The following ZNF565 variants were observed in gnomAD, a reference collection of about 807,000 sequenced individuals.
ZNF565 encodes the protein zinc finger protein 565.
In ZNF565, 27 loss-of-function variants were observed where a neutral mutation model predicts 39.4. The observed-to-expected ratio is 0.69, with a 90% confidence interval of 0.51 to 0.95. The LOEUF is 0.95. ZNF565 is among the 40% of genes least tolerant of loss of function. The probability of loss-of-function intolerance (pLI) is 0.00; values close to 1 mark genes in which losing one functional copy is unlikely to be tolerated. For synonymous variants in ZNF565, 185 were observed against 216.6 expected, an observed-to-expected ratio of 0.85 and a Z score of 1.28; for missense variants, 524 against 621.1, an observed-to-expected ratio of 0.84 and a Z score of 1.66.
Position 36,202,635 on chromosome 19 carries a change from C to T in ZNF565, c.-65-585G>A, listed in dbSNP as rs115627461. On this transcript the variant is annotated intron_variant, in intron 1 of 4. Transcript: ENST00000304116. ...GCTCCAAATTACAGCAAGGATCTTA[C>T]GACTCAGACTCACTCACTTGACCCC... is the stretch of plus-strand genomic sequence containing the variant. 2.7e-3 allele frequency among the ~76,000 whole-genome samples: 406 copies of T among 152,252 alleles called. 3 individuals carry two copies. The highest frequency in any genetic ancestry group is 8.9e-3 in the African/African-American group (370 of 41,536).
chr19:36,232,700 C>G (rs983960508), intron 1 of ZNF565, among the ~76,000 whole-genome samples: 1 of 151,760 alleles, frequency 6.6e-6, no homozygotes, highest in African/African-American at 2.4e-5. Context: ...CCTCCACCTC[C>G]CGGTTTCAAG....
rs1043597271 is a variant in ZNF565, at chr19:36,194,298, G to A, written c.167C>T (p.Ser56Phe). The A allele has an allele frequency of 6.8e-6, 11 of 1,612,582 alleles. No individual in the cohort carries two copies. Among genetic ancestry groups the A allele is most frequent in the Non-Finnish European group, 8.5e-6 (10 of 1,179,388 alleles). ...GGGCTCTTTCCCTTGCTCCAATAAG[G>A]AGACGACATCAGGCTTAGAAATGGA... ...GLSISKPDVVSLLEQGKEPWM... is the reference protein window; with the variant it reads ...GLSISKPDVVFLLEQGKEPWM... Residue 56 changes from serine (S) to phenylalanine (F), a missense_variant, in exon 4 of 5, where the codon TCC becomes TTC. Physicochemically the swap from Ser to Phe is radical, Grantham distance 155 (BLOSUM62 -2). Transcript: ENST00000304116.
At chr19:36,202,176 C>G in intron 1 of ZNF565, 126 bp from the exon 2 acceptor site, 1 of 631,314 alleles carries the variant, frequency 1.6e-6, no homozygotes, top group African/African-American at 1.8e-5. Context: ...TCCCACCTCT[C>G]CATGTCCTAC....
chr19:36,211,989 G>A (rs1399590269), intron 1 of ZNF565, among the ~76,000 whole-genome samples: 1 of 152,110 alleles, frequency 6.6e-6, no homozygotes, highest in Non-Finnish European at 1.5e-5. Flanking sequence ...CACAAGACAT[G>A]TATCAATTAT....
chr19:36,221,926 T>A (rs903533400), intron 1 of ZNF565, among the ~76,000 whole-genome samples: 1 of 123,218 alleles, frequency 8.1e-6, no homozygotes, highest in African/African-American at 2.9e-5. Context: ...CTTTTTTCTT[T>A]CTTTTTTTTT....
chr19:36,187,730 C>G (rs980585252), intron 4 of ZNF565, among the ~76,000 whole-genome samples: 2 of 151,536 alleles, frequency 1.3e-5, no homozygotes, highest in African/African-American at 4.9e-5. Flanking sequence ...CTCTGGCTCC[C>G]AGGTTCAAGT....
At chr19:36,207,433 G>A (rs1381657935) in intron 1 of ZNF565, among the ~76,000 whole-genome samples, 2 of 151,970 alleles carry the variant, frequency 1.3e-5, no homozygotes, top group Non-Finnish European at 2.9e-5. Context: ...CTATTTACTC[G>A]GGAGGCTGAG....
intron 1 of ZNF565, among the ~76,000 whole-genome samples, chr19:36,231,853 C>T (rs1321191350): frequency 6.6e-6 from 1 of 151,794 alleles, no homozygotes. Flanking sequence ...ATCTCTTGAG[C>T]CTAGGAGTTC....
chr19:36,202,728 A>T (rs1055776489), intron 1 of ZNF565, among the ~76,000 whole-genome samples: 1 of 152,158 alleles, frequency 6.6e-6, no homozygotes, highest in Non-Finnish European at 1.5e-5. Context: ...CTTGAGTAAA[A>T]GACATCCCTA....
At chr19:36,230,519 A>G (rs1434154863) in intron 1 of ZNF565, among the ~76,000 whole-genome samples, 1 of 152,170 alleles carries the variant, frequency 6.6e-6, no homozygotes, top group Non-Finnish European at 1.5e-5. Context: ...TGGTGGGGAA[A>G]GGTCTCACTG....
At chr19:36,214,222 C>A (rs1326917983) in intron 1 of ZNF565, among the ~76,000 whole-genome samples, 2 of 152,032 alleles carry the variant, frequency 1.3e-5, no homozygotes, top group Non-Finnish European at 2.9e-5. Context: ...CAGGCACAGG[C>A]AATTGCACAC....
chr19:36,194,515 C>A, intron 3 of ZNF565, 187 bp from the exon 4 acceptor site: 1 of 514,686 alleles, frequency 1.9e-6, no homozygotes. Context: ...TTTTCAGTCA[C>A]CAGAAATTCA....
intron 1 of ZNF565, among the ~76,000 whole-genome samples, chr19:36,231,362 A>G (rs541654494): frequency 1.4e-4 from 22 of 152,086 alleles, no homozygotes; most frequent in African/African-American, 5.3e-4. Context: ...GGTGCCCACC[A>G]CCACACCCGG....
downstream of ZNF565, chr19:36,182,205 A>T (rs1975111073): frequency 2.7e-6 from 1 of 364,966 alleles, no homozygotes; most frequent in Admixed American, 4.2e-5. Context: ...GAAATTTAAC[A>T]TATTTTGAAT....
intron 1 of ZNF565, among the ~76,000 whole-genome samples, chr19:36,239,006 G>C (rs1161115236): frequency 6.6e-6 from 1 of 152,162 alleles, no homozygotes; most frequent in East Asian, 1.9e-4. Context: ...CTGATGATCT[G>C]AGGTGGAACA....
intron 4 of ZNF565, among the ~76,000 whole-genome samples, chr19:36,186,624 C>A (rs11084851): frequency 0.088 from 13,332 of 151,804 alleles, 787 homozygotes; most frequent in South Asian, 0.16. Context: ...CCCATCTCTA[C>A]CAAAAACACA....
intron 1 of ZNF565, among the ~76,000 whole-genome samples, chr19:36,222,532 A>G (rs762258591): frequency 6.6e-6 from 1 of 152,182 alleles, no homozygotes; most frequent in Non-Finnish European, 1.5e-5. Context: ...TAAACTCACC[A>G]TGAGTGTAGT....
At chr19:36,202,428 G>A (rs1266001375) in intron 1 of ZNF565, among the ~76,000 whole-genome samples, 1 of 151,430 alleles carries the variant, frequency 6.6e-6, no homozygotes, top group Non-Finnish European at 1.5e-5. Context: ...GCAGAGTTAA[G>A]AAAACCCAGT....
At chr19:36,184,000 C>T (rs1197917388) in intron 4 of ZNF565, among the ~76,000 whole-genome samples, 3 of 142,262 alleles carry the variant, frequency 2.1e-5, no homozygotes, top group Non-Finnish European at 3.0e-5. Context: ...ATCGCTTGAA[C>T]CTGGGAGGCA....
Sources: allele counts gnomAD v4.1 joint callset (sites outside exome capture counted in the v4.1 genomes callset), GRCh38; gene constraint gnomAD v4.1.1; transcripts MANE v1.5; gene names NCBI Gene and HGNC (gene_info 2026-07-23, HGNC 2026-07-21).